Variants in TMPRSS15 observed in about 807,000 individuals in gnomAD.
TMPRSS15 encodes transmembrane serine protease 15, also known as enteropeptidase.
A neutral mutation model predicts 125.3 loss-of-function variants in TMPRSS15; 128 were observed. That is an observed-to-expected ratio of 1.02 (90% CI 0.89 to 1.18). The LOEUF is 1.18. TMPRSS15 is among the 50% of genes most tolerant of loss of function. The probability of loss-of-function intolerance (pLI) is 0.00; values close to 1 mark genes in which losing one functional copy is unlikely to be tolerated. For synonymous variants in TMPRSS15, 446 were observed against 423.2 expected (o/e 1.05, Z -0.66); for missense variants, 1,283 against 1,212.7 (o/e 1.06, Z -0.86).
At chr21:18,352,482 T>C (rs1482237332) in intron 10 of TMPRSS15, among the ~76,000 whole-genome samples, 1 of 152,090 alleles carries the variant, frequency 6.6e-6, no homozygotes, top group Non-Finnish European at 1.5e-5. Flanking sequence ...GGACTGCTGT[T>C]GGGTCTAAGA....
intron 1 of TMPRSS15, among the ~76,000 whole-genome samples, chr21:18,410,967 A>AT (rs2076164617): frequency 6.6e-6 from 1 of 152,106 alleles, no homozygotes; most frequent in Non-Finnish European, 1.5e-5. Context: ...ATCATTAGTT[A>AT]TTTTATCTAC....
intron 1 of TMPRSS15, among the ~76,000 whole-genome samples, chr21:18,443,263 C>T (rs765146363): frequency 8.5e-5 from 13 of 152,198 alleles, no homozygotes; most frequent in Non-Finnish European, 1.6e-4. Flanking sequence ...TGAACACTGA[C>T]TCTGCAGGCC....
intron 6 of TMPRSS15, among the ~76,000 whole-genome samples, chr21:18,368,767 T>C (rs2075763452): frequency 6.6e-6 from 1 of 152,194 alleles, no homozygotes; most frequent in Non-Finnish European, 1.5e-5. Context: ...CTCTAGTCAA[T>C]TCCTGCATTC....
chr21:18,449,444 C>G (rs2076262720), intron 1 of TMPRSS15, among the ~76,000 whole-genome samples: 1 of 152,020 alleles, frequency 6.6e-6, no homozygotes, highest in Non-Finnish European at 1.5e-5. Flanking sequence ...AAAGTGCCTT[C>G]CTATTCTCTT....
intron 8 of TMPRSS15, among the ~76,000 whole-genome samples, chr21:18,357,586 T>G (rs2075638507): frequency 6.6e-6 from 1 of 151,956 alleles, no homozygotes; most frequent in African/African-American, 2.4e-5. Context: ...AATTGGAATT[T>G]AATGAAAGCA....
At chr21:18,291,410 A>C (rs1464874000) in intron 21 of TMPRSS15, among the ~76,000 whole-genome samples, 1 of 152,318 alleles carries the variant, frequency 6.6e-6, no homozygotes. Flanking sequence ...ACTCAGGAGA[A>C]CTTAGCCTGA....
chr21:18,406,246 C>T (rs1308059278), upstream of TMPRSS15, among the ~76,000 whole-genome samples: 1 of 152,054 alleles, frequency 6.6e-6, no homozygotes, highest in South Asian at 2.1e-4. Flanking sequence ...AGCTATCCCA[C>T]TTAGGGGGAA....
chr21:18,279,484 C>T (rs2074665916), intron 22 of TMPRSS15, among the ~76,000 whole-genome samples: 2 of 150,770 alleles, frequency 1.3e-5, no homozygotes, highest in South Asian at 4.2e-4. Flanking sequence ...CGCCACCACG[C>T]CTGGCTAATT....
chr21:18,270,229 A>C, intron 24 of TMPRSS15, 105 bp from the exon 25 acceptor site: 3 of 985,146 alleles, frequency 3.0e-6, no homozygotes, highest in Non-Finnish European at 4.5e-6. Flanking sequence ...TTAATTAAAA[A>C]ATATGATTTA....
At chr21:18,291,218 T>C (rs575680747) in intron 21 of TMPRSS15, among the ~76,000 whole-genome samples, 1 of 152,354 alleles carries the variant, frequency 6.6e-6, no homozygotes, top group East Asian at 1.9e-4. Context: ...AAGTTGCTTG[T>C]CCATAATCAC....
chr21:18,473,549 CATT>C (rs945611226), intron 1 of TMPRSS15, among the ~76,000 whole-genome samples: 5 of 152,008 alleles, frequency 3.3e-5, no homozygotes, highest in African/African-American at 1.2e-4. Flanking sequence ...TTATTTTACC[CATT>C]ATAAGTTGAT....
At chr21:18,365,073 CAAT>C in intron 7 of TMPRSS15, 64 bp downstream of exon 7, 1 of 1,279,002 alleles carries the variant, frequency 7.8e-7, no homozygotes, top group Non-Finnish European at 1.1e-6. Context: ...CTACTGAAAG[CAAT>C]AAGACGTTGC....
intron 1 of TMPRSS15, among the ~76,000 whole-genome samples, chr21:18,433,336 T>A (rs2076220332): frequency 6.6e-6 from 1 of 151,994 alleles, no homozygotes; most frequent in African/African-American, 2.4e-5. Context: ...GTGTTGAAAA[T>A]AAAGGAGCAG....
intron 16 of TMPRSS15, among the ~76,000 whole-genome samples, chr21:18,317,794 CA>C (rs2075184103): frequency 1.6e-5 from 2 of 127,242 alleles, no homozygotes; most frequent in African/African-American, 6.1e-5. Flanking sequence ...CATCCCATCC[CA>C]TCCCATCCCA....
intron 21 of TMPRSS15, among the ~76,000 whole-genome samples, chr21:18,283,311 C>A (rs1179042786): frequency 6.6e-6 from 1 of 152,040 alleles, no homozygotes; most frequent in African/African-American, 2.4e-5. Context: ...GAGTAGCCTG[C>A]CTGTTAAGAC....
chr21:18,383,583 C>T (rs1323927687), intron 4 of TMPRSS15, 44 bp downstream of exon 4: 24 of 1,604,830 alleles, frequency 1.5e-5, no homozygotes, highest in Non-Finnish European at 2.0e-5. Flanking sequence ...ATTTTAATTT[C>T]ATAGCTTAAT....
chr21:18,437,523 T>A (rs896617906), intron 1 of TMPRSS15, among the ~76,000 whole-genome samples: 4 of 152,094 alleles, frequency 2.6e-5, no homozygotes, highest in Non-Finnish European at 2.9e-5. Context: ...AAAACTACCG[T>A]CAGAGTGAAC....
chr21:18,397,143 A>G (rs2076048438), intron 3 of TMPRSS15, among the ~76,000 whole-genome samples: 1 of 151,744 alleles, frequency 6.6e-6, no homozygotes, highest in Admixed American at 6.6e-5. Flanking sequence ...TGTATTTTTA[A>G]CTTTCCAGTT....
chr21:18,364,700 G>C lies in TMPRSS15; in HGVS notation c.773+440C>G, dbSNP rs905787575. On this transcript the variant is annotated intron_variant, in intron 7 of 24. Transcript: ENST00000284885. ...AGATATAGTAAGAAAGACATGTATAGAGGCTGTTCCCTGCTCTTAATCTGC... is the reference window on the plus strand; with the variant it reads ...AGATATAGTAAGAAAGACATGTATACAGGCTGTTCCCTGCTCTTAATCTGC... Among the ~76,000 whole-genome samples the C allele has an allele frequency of 2.6e-5, 4 of 152,136 alleles. No homozygotes were observed. In the South Asian group the frequency reaches 8.3e-4, roughly 31 times the overall value.
Sources: allele counts gnomAD v4.1 joint callset (sites outside exome capture counted in the v4.1 genomes callset), GRCh38; gene constraint gnomAD v4.1.1; transcripts MANE v1.5; gene names NCBI Gene and HGNC (gene_info 2026-07-23, HGNC 2026-07-21).